ARHGEF33: variants seen among roughly 807,000 people sequenced by gnomAD.
ARHGEF33 encodes the protein Rho guanine nucleotide exchange factor 33.
Under a neutral mutation model 101.9 loss-of-function variants are expected in ARHGEF33, and 72 were observed. The ratio of observed to expected loss-of-function variants is 0.71; its 90% CI spans 0.58 to 0.86. The LOEUF (loss-of-function observed/expected upper bound fraction) is 0.86. Ranked by LOEUF, ARHGEF33 falls within the 40% of genes least tolerant of loss-of-function variation. The pLI, the probability that ARHGEF33 is intolerant of heterozygous loss-of-function variation, is 0.00. For missense variants in ARHGEF33, 1,169 were observed against 1,111.3 expected, an observed-to-expected ratio of 1.05 and a Z score of -0.74; for synonymous variants, 499 against 442.5, an observed-to-expected ratio of 1.13 and a Z score of -1.60.
At chr2:38,956,328 T>C (rs1335915807) in intron 13 of ARHGEF33, among the ~76,000 whole-genome samples, 1 of 152,234 alleles carries the variant, frequency 6.6e-6, no homozygotes, top group African/African-American at 2.4e-5. Flanking sequence ...GAGTTTATAA[T>C]GGTACCTATT....
chr2:38,966,039 C>G lies in ARHGEF33; in HGVS notation c.2377C>G (p.Pro793Ala). ...MHLEDTTRFC[P>A]KEERESEQTS... is the part of the protein sequence containing the mutation. ...TTTAGAAGATACTACCAGATTCTGT[C>G]CCAAAGAAGAAAGAGAAAGTGAACA... The change falls in exon 17 of 18, where the codon CCC (proline) becomes GCC (alanine). Residue 793 changes from proline to alanine, a missense_variant. Pro to Ala is a conservative substitution (Grantham distance 27). Coordinates refer to ENST00000409978, the MANE Select transcript of ARHGEF33 (RefSeq NM_001145451.5). The G allele has an allele frequency of 6.4e-7, 1 of 1,551,624 alleles. No homozygotes were observed. Among genetic ancestry groups the G allele is most frequent in the East Asian group, 2.4e-5 (1 of 40,928 alleles).
chr2:38,913,531 T>G (rs1055703036), intron 2 of ARHGEF33, among the ~76,000 whole-genome samples: 5 of 152,168 alleles, frequency 3.3e-5, no homozygotes, highest in Non-Finnish European at 7.4e-5. Flanking sequence ...TCTCACCACT[T>G]TGGGAGGCCA....
At position 38,960,507 on chromosome 2, in the gene ARHGEF33, C is replaced by A; in HGVS notation, c.2202C>A (p.Gly734=). The A allele has an allele frequency of 7.4e-7, 1 of 1,347,040 alleles. No individual in the cohort carries two copies. The highest frequency in any genetic ancestry group is 1.8e-5 in the South Asian group (1 of 55,102). 83.4% of individuals were successfully genotyped at this position (1,347,040 alleles called of 1,614,324 possible). A position where few individuals can be genotyped will look rare whatever the true frequency, so the allele number is the denominator to read the frequency against. The change falls in exon 16 of 18, where the codon GGC becomes GGA. Residue 734 remains glycine (G), a synonymous_variant. Transcript: ENST00000409978. The part of the protein sequence containing the change: ...RLYSTRSSSG[G]RAPIKAERAA... ...ACAGCACGCGCAGCAGCAGCGGCGG[C>A]CGCGCGCCCATCAAGGCCGAGCGCG...
At chr2:38,949,861 G>A (rs528740130) in intron 10 of ARHGEF33, among the ~76,000 whole-genome samples, 3 of 152,164 alleles carry the variant, frequency 2.0e-5, no homozygotes, top group South Asian at 2.1e-4. Context: ...GTCACAGGGC[G>A]CAGCAGGAGC....
chr2:38,948,290 A>G (rs1046283803), intron 10 of ARHGEF33, among the ~76,000 whole-genome samples: 2 of 152,214 alleles, frequency 1.3e-5, no homozygotes, highest in African/African-American at 4.8e-5. Flanking sequence ...ATTTTTTTAA[A>G]AGGTTTAAAG....
At chr2:38,921,681 T>C (rs1179224342) in intron 4 of ARHGEF33, among the ~76,000 whole-genome samples, 1 of 152,166 alleles carries the variant, frequency 6.6e-6, no homozygotes, top group African/African-American at 2.4e-5. Flanking sequence ...CAAGCTCAGC[T>C]TCCTGAGTAG....
chr2:38,953,551 G>A (rs1050417041), intron 12 of ARHGEF33, among the ~76,000 whole-genome samples: 4 of 152,162 alleles, frequency 2.6e-5, no homozygotes, highest in African/African-American at 9.7e-5. Flanking sequence ...TGTATGTGGT[G>A]GGTTTTTTTC....
Position 38,960,285 on chromosome 2 carries a change from C to G in ARHGEF33, c.1980C>G (p.Val660=). 6.5e-7 allele frequency: 1 copy of G among 1,547,084 alleles called. No homozygotes were observed. Among genetic ancestry groups the G allele is most frequent in the Non-Finnish European group, 8.7e-7 (1 of 1,146,150 alleles). ...TGGACATCTGCTTCCTGCGGCCCGT[C>G]AGCTTCGCCATGGAGGCCGAGCGGC... is the stretch of plus-strand genomic sequence containing the variant. ...SSLDICFLRP[V]SFAMEAERPE... The change falls in exon 16 of 18, where the codon GTC becomes GTG. Residue 660 remains valine, a synonymous_variant. Transcript: ENST00000409978.
At chr2:38,946,174 G>A (rs921998535) in intron 10 of ARHGEF33, among the ~76,000 whole-genome samples, 1 of 152,196 alleles carries the variant, frequency 6.6e-6, no homozygotes, top group South Asian at 2.1e-4. Flanking sequence ...CAGGCGGGAG[G>A]TCATAGGGGA....
chr2:38,963,379 A>G (rs1667988636), intron 16 of ARHGEF33, among the ~76,000 whole-genome samples: 1 of 152,180 alleles, frequency 6.6e-6, no homozygotes, highest in African/African-American at 2.4e-5. Context: ...TTTTAGAGTC[A>G]AGAAAGAAGA....
intron 10 of ARHGEF33, among the ~76,000 whole-genome samples, chr2:38,947,389 G>T (rs1301759429): frequency 1.3e-5 from 2 of 152,142 alleles, no homozygotes; most frequent in African/African-American, 4.8e-5. Flanking sequence ...TGATTCATTT[G>T]TTTGTTTTGT....
chr2:38,919,401 G>A lies in ARHGEF33; in HGVS notation c.-47G>A, dbSNP rs929616463. The A allele has an allele frequency of 9.0e-6, 14 of 1,549,972 alleles. No homozygotes were observed. The highest frequency in any genetic ancestry group is 9.6e-6 in the Non-Finnish European group (11 of 1,145,550). On this transcript the variant is annotated 5_prime_UTR_variant, in exon 3 of 18. Transcript: ENST00000409978. ...GAGGTGGCCTGAGCCAGGACGATGA[G>A]GATGCAATGTTGAAGAATAAGCTGG...
chr2:38,900,425 G>A (rs774864808), intron 2 of ARHGEF33, among the ~76,000 whole-genome samples: 6 of 152,082 alleles, frequency 3.9e-5, no homozygotes, highest in Non-Finnish European at 7.4e-5. Context: ...AGGAACAAAG[G>A]CATAGAGGCA....
At chr2:38,950,935 G>A in intron 10 of ARHGEF33, 54 bp from the exon 11 acceptor site, 3 of 1,520,930 alleles carry the variant, frequency 2.0e-6, no homozygotes, top group South Asian at 1.2e-5. Flanking sequence ...TTTTTGTAGG[G>A]TCCTTTCTTC....
chr2:38,954,051 T>C (rs750332604), intron 12 of ARHGEF33, among the ~76,000 whole-genome samples: 2 of 152,226 alleles, frequency 1.3e-5, no homozygotes, highest in Non-Finnish European at 2.9e-5. Context: ...TGGAGAGTCT[T>C]AATGAATTAA....
At position 38,960,168 on chromosome 2, in the gene ARHGEF33, G is replaced by C. The variant is rs924391589; in HGVS notation, c.1863G>C (p.Glu621Asp). Residue 621 changes from glutamate to aspartate, a missense_variant, in exon 16 of 18, where the codon GAG becomes GAC. Coordinates refer to ENST00000409978, the MANE Select transcript of ARHGEF33 (RefSeq NM_001145451.5). ...ACGAAGAGTTCGAGTACGGCGGCGA[G>C]ATCTTCGCGCTGCCCGCGCCCTACG... ...AAYEEFEYGG[E>D]IFALPAPYDE... The C allele has an allele frequency of 1.3e-6, 2 of 1,542,798 alleles. No individual in the cohort carries two copies. The highest frequency in any genetic ancestry group is 2.5e-5 in the East Asian group (1 of 40,786).
intron 9 of ARHGEF33, among the ~76,000 whole-genome samples, chr2:38,939,364 G>A (rs1199627468): frequency 6.6e-6 from 1 of 152,098 alleles, no homozygotes; most frequent in African/African-American, 2.4e-5. Flanking sequence ...AAAATCTCTG[G>A]GTTGTAGGTT....
At chr2:38,946,158 C>A (rs1481875798) in intron 10 of ARHGEF33, among the ~76,000 whole-genome samples, 1 of 152,140 alleles carries the variant, frequency 6.6e-6, no homozygotes, top group East Asian at 1.9e-4. Context: ...TGTTGCAAGC[C>A]TCCAGCAGGC....
intron 6 of ARHGEF33, among the ~76,000 whole-genome samples, chr2:38,930,408 T>C (rs1666970416): frequency 6.6e-6 from 1 of 151,828 alleles, no homozygotes; most frequent in Admixed American, 6.6e-5. Context: ...GGAGTAGTGG[T>C]ATGATCACAG....
Sources: gnomAD v4.1 joint callset for allele counts (sites outside exome capture counted in the v4.1 genomes callset) on GRCh38, gnomAD v4.1.1 for gene constraint, MANE v1.5 for transcripts, NCBI Gene and HGNC (gene_info 2026-07-23, HGNC 2026-07-21) for gene names.